Variants in ZSCAN25 observed in about 807,000 individuals in gnomAD.
ZSCAN25 encodes zinc finger and SCAN domain containing 25, also known as zinc finger and SCAN domain-containing protein 25.
Under a neutral mutation model 38.7 loss-of-function variants are expected in ZSCAN25, and 27 were observed. The ratio of observed to expected loss-of-function variants is 0.70; its 90% confidence interval spans 0.51 to 0.96. The LOEUF (loss-of-function observed/expected upper bound fraction) is 0.96. Ranked by LOEUF, ZSCAN25 falls within the 40% of genes least tolerant of loss-of-function variation. The pLI is 0.00. For synonymous variants in ZSCAN25, 273 were observed against 277.7 expected (o/e 0.98, Z 0.17); for missense variants, 637 against 705.9 (o/e 0.90, Z 1.11).
At chr7:99,697,921 A>C in the ZSCAN25 span, among the ~76,000 whole-genome samples, 8 of 152,120 alleles carry the variant, frequency 5.3e-5, no homozygotes, top group African/African-American at 1.9e-4. Context: ...CACTTTCTAG[A>C]AGTTACGTGA....
the ZSCAN25 span, among the ~76,000 whole-genome samples, chr7:99,697,986 A>G: frequency 6.6e-6 from 1 of 152,232 alleles, no homozygotes; most frequent in East Asian, 1.9e-4. Context: ...CTGTCCCCCA[A>G]GGAAAGATCT....
chr7:99,719,455 C>T, the ZSCAN25 span, among the ~76,000 whole-genome samples: 1 of 152,034 alleles, frequency 6.6e-6, no homozygotes, highest in Non-Finnish European at 1.5e-5. Flanking sequence ...AAATCTCATA[C>T]CTTATACAAA....
chr7:99,705,391 T>G, the ZSCAN25 span: 1 of 1,234,740 alleles, frequency 8.1e-7, no homozygotes. Context: ...TGCAGCACAT[T>G]GGATGAAGCC....
the ZSCAN25 span, chr7:99,638,562 G>A: frequency 7.7e-6 from 12 of 1,550,544 alleles, no homozygotes; most frequent in East Asian, 1.8e-4. Context: ...CGCGGATCTT[G>A]TCCTGGCCAC....
chr7:99,646,769 A>G, the ZSCAN25 span, among the ~76,000 whole-genome samples: 4,511 of 151,166 alleles, frequency 0.03, 228 homozygotes, highest in African/African-American at 0.1. Context: ...ATCTAGCCCT[A>G]TCAGTGAAGT....
At chr7:99,735,717 T>C in the ZSCAN25 span, among the ~76,000 whole-genome samples, 2 of 152,244 alleles carry the variant, frequency 1.3e-5, no homozygotes, top group African/African-American at 4.8e-5. Flanking sequence ...TTCTATTGTC[T>C]TCTTTCCTCT....
the ZSCAN25 span, among the ~76,000 whole-genome samples, chr7:99,711,842 T>C: frequency 2.0e-5 from 3 of 152,140 alleles, no homozygotes; most frequent in East Asian, 3.8e-4. Context: ...ATTGAACTAC[T>C]GATTCAAGTC....
In ZSCAN25 at chr7:99,631,131, G is replaced by A; in HGVS notation, c.*1111G>A. Reference sequence around the variant, plus strand: ...GATGTACCTGATCTTCAGAACCCGTGGATATTCCTGCAAATCCTCTGGGCC... The same window carrying A: ...GATGTACCTGATCTTCAGAACCCGTAGATATTCCTGCAAATCCTCTGGGCC... On this transcript the variant is annotated 3_prime_UTR_variant, in exon 8 of 8. Transcript: ENST00000394152. 1.0e-6 allele frequency: 1 copy of A among 985,402 alleles called. No individual in the cohort carries two copies. Among genetic ancestry groups the A allele is most frequent in the Middle Eastern group, 5.2e-4 (1 of 1,914 alleles). The allele number at this position is 985,402 out of a possible 1,614,324, so 61.0% of individuals were successfully genotyped here. A position where few individuals can be genotyped will look rare whatever the true frequency, so the allele number is the denominator to read the frequency against.
chr7:99,632,208 A>G lies in ZSCAN25; in HGVS notation c.*2188A>G, dbSNP rs753312641. 3.9e-5 allele frequency: 38 copies of G among 985,306 alleles called. No homozygotes were observed. The African/African-American group carries it at 5.9e-4, about 15-fold the overall frequency. The allele number at this position is 985,306 out of a possible 1,614,324, so 61.0% of individuals were successfully genotyped here. On this transcript the variant is annotated 3_prime_UTR_variant, in exon 8 of 8. Transcript: ENST00000394152. The stretch of plus-strand genomic sequence containing the variant: ...CCAAGAGCTTAGGACAGTGTCTCAG[A>G]AAAGCCTCTAAGTAGGGGGTTTTTC...
chr7:99,645,676 G>A, the ZSCAN25 span, among the ~76,000 whole-genome samples: 1 of 151,432 alleles, frequency 6.6e-6, no homozygotes, highest in Non-Finnish European at 1.5e-5. Context: ...ATCTTATTGT[G>A]GTTTTGATTT....
the ZSCAN25 span, chr7:99,685,158 C>A: frequency 6.2e-7 from 1 of 1,608,658 alleles, no homozygotes; most frequent in Non-Finnish European, 8.5e-7. Context: ...CACTTACGGT[C>A]CCATCCCTTG....
At chr7:99,657,037 G>A in the ZSCAN25 span, among the ~76,000 whole-genome samples, 40 of 152,076 alleles carry the variant, frequency 2.6e-4, no homozygotes, top group African/African-American at 9.4e-4. Context: ...ACCAGCTCCT[G>A]GATTCATTGA....
the ZSCAN25 span, among the ~76,000 whole-genome samples, chr7:99,680,755 C>T: frequency 6.6e-6 from 1 of 152,166 alleles, no homozygotes; most frequent in Non-Finnish European, 1.5e-5. Flanking sequence ...TAAAGTTGGT[C>T]TTGTTCTGCA....
At chr7:99,619,470 G>T in intron 3 of ZSCAN25, 91 bp from the exon 4 acceptor site, 1 of 1,063,224 alleles carries the variant, frequency 9.4e-7, no homozygotes. Context: ...CCTTGTAAAA[G>T]GTAATTACTG....
At chr7:99,721,342 T>A in the ZSCAN25 span, among the ~76,000 whole-genome samples, 1 of 152,314 alleles carries the variant, frequency 6.6e-6, no homozygotes, top group East Asian at 1.9e-4. Flanking sequence ...TTTCCCAATC[T>A]GTTTCTCTAT....
At chr7:99,666,551 C>T in the ZSCAN25 span, 2 of 1,584,814 alleles carry the variant, frequency 1.3e-6, no homozygotes, top group Non-Finnish European at 1.7e-6. Flanking sequence ...TGGCAGGCAG[C>T]TGGAAGGGCT....
the ZSCAN25 span, among the ~76,000 whole-genome samples, chr7:99,719,124 GTTTA>G: frequency 2.0e-5 from 3 of 152,186 alleles, no homozygotes; most frequent in African/African-American, 7.2e-5. Flanking sequence ...ATAACAGCAT[GTTTA>G]TTTATAGACA....
chr7:99,648,495 G>C, the ZSCAN25 span: 47 of 764,262 alleles, frequency 6.1e-5, no homozygotes, highest in East Asian at 7.2e-5. Flanking sequence ...AAAATGCTTT[G>C]CAAGCATATA....
chr7:99,683,261 T>C, the ZSCAN25 span, among the ~76,000 whole-genome samples: 4,587 of 152,298 alleles, frequency 0.03, 240 homozygotes, highest in African/African-American at 0.1. Flanking sequence ...ATCTGGCCAC[T>C]AAGTGTGCTC....
Sources: allele counts gnomAD v4.1 joint callset (sites outside exome capture counted in the v4.1 genomes callset), GRCh38; gene constraint gnomAD v4.1.1; transcripts MANE v1.5; gene names NCBI Gene and HGNC (gene_info 2026-07-23, HGNC 2026-07-21).